MGAT4C: variants seen among roughly 807,000 people sequenced by gnomAD.
MGAT4C encodes the protein alpha-1,3-mannosyl-glycoprotein 4-beta-N-acetylglucosaminyltransferase C.
In MGAT4C, 19 loss-of-function variants were observed where a neutral mutation model predicts 40.1. The ratio of observed to expected loss-of-function variants is 0.47; its 90% CI spans 0.33 to 0.70. MGAT4C has a LOEUF of 0.70. Ranked by LOEUF, MGAT4C falls within the 30% of genes least tolerant of loss-of-function variation. The pLI is 0.02. For synonymous variants in MGAT4C, 181 were observed against 187.1 expected (o/e 0.97, Z 0.27); for missense variants, 491 against 563.2 (o/e 0.87, Z 1.30).
intron 1 of MGAT4C, among the ~76,000 whole-genome samples, chr12:86,206,810 T>C (rs933172033): frequency 6.6e-6 from 1 of 152,208 alleles, no homozygotes; most frequent in Non-Finnish European, 1.5e-5. Context: ...CCCATATTCA[T>C]ACTCAGCCTC....
chr12:86,501,764 T>G (rs972682253), intron 2 of MGAT4C, among the ~76,000 whole-genome samples: 1 of 152,096 alleles, frequency 6.6e-6, no homozygotes, highest in Admixed American at 6.6e-5. Context: ...TTTGGGTTGA[T>G]TCCATGTCTT....
chr12:86,591,686 T>C (rs969093143), intron 2 of MGAT4C, among the ~76,000 whole-genome samples: 6 of 151,692 alleles, frequency 4.0e-5, no homozygotes, highest in African/African-American at 7.2e-5. Flanking sequence ...TTTAGTTCAA[T>C]ACATTTTAAG....
chr12:86,086,579 G>A (rs978458552), intron 1 of MGAT4C, among the ~76,000 whole-genome samples: 2 of 151,870 alleles, frequency 1.3e-5, no homozygotes, highest in African/African-American at 4.8e-5. Flanking sequence ...TATTTATGGG[G>A]TATATGTGAC....
At chr12:86,007,969 G>A (rs10863141) in intron 2 of MGAT4C, among the ~76,000 whole-genome samples, 38,761 of 151,786 alleles carry the variant, frequency 0.26, 5,637 homozygotes, top group Non-Finnish European at 0.33. Flanking sequence ...TTGAAAATCA[G>A]TTGGATATAT....
At chr12:86,221,503 C>G (rs1331581822) in intron 1 of MGAT4C, among the ~76,000 whole-genome samples, 1 of 152,144 alleles carries the variant, frequency 6.6e-6, no homozygotes, top group Non-Finnish European at 1.5e-5. Context: ...AACTGAGAGG[C>G]TGACCAAAAG....
intron 2 of MGAT4C, among the ~76,000 whole-genome samples, chr12:86,579,889 T>C (rs999440381): frequency 2.0e-5 from 3 of 151,546 alleles, no homozygotes; most frequent in Non-Finnish European, 3.0e-5. Context: ...GCCTCTAAGG[T>C]TTCCACTGAA....
At chr12:86,253,663 A>G (rs1344002067) in intron 1 of MGAT4C, among the ~76,000 whole-genome samples, 2 of 152,012 alleles carry the variant, frequency 1.3e-5, no homozygotes, top group African/African-American at 4.8e-5. Context: ...AATAAGTCCA[A>G]GCTGTCCAAA....
At chr12:86,238,962 A>G (rs988061230) in intron 1 of MGAT4C, among the ~76,000 whole-genome samples, 4 of 152,100 alleles carry the variant, frequency 2.6e-5, no homozygotes, top group Non-Finnish European at 4.4e-5. Flanking sequence ...CCATATGAAA[A>G]TCTAAGACTC....
At chr12:85,997,914 G>A (rs1886808772) in intron 2 of MGAT4C, among the ~76,000 whole-genome samples, 1 of 152,188 alleles carries the variant, frequency 6.6e-6, no homozygotes, top group Non-Finnish European at 1.5e-5. Context: ...ACTACATAGT[G>A]CTCCAGTAGG....
chr12:86,039,834 A>T (rs753249118), intron 2 of MGAT4C, among the ~76,000 whole-genome samples: 1 of 152,054 alleles, frequency 6.6e-6, no homozygotes, highest in Non-Finnish European at 1.5e-5. Flanking sequence ...GCCTTTTTGC[A>T]TTGGTTTTTC....
chr12:86,012,357 C>T (rs1888542829), intron 2 of MGAT4C, among the ~76,000 whole-genome samples: 1 of 152,198 alleles, frequency 6.6e-6, no homozygotes, highest in Non-Finnish European at 1.5e-5. Context: ...ATCCTTACTT[C>T]TCTGTACCAA....
chr12:86,066,165 C>T (rs1035775208), intron 1 of MGAT4C, among the ~76,000 whole-genome samples: 2 of 152,108 alleles, frequency 1.3e-5, no homozygotes, highest in Admixed American at 6.5e-5. Context: ...ATGCTATCCC[C>T]ATCAAGGTAC....
At chr12:86,825,641 A>G (rs570266725) in intron 1 of MGAT4C, among the ~76,000 whole-genome samples, 2 of 151,594 alleles carry the variant, frequency 1.3e-5, no homozygotes, top group African/African-American at 4.8e-5. Flanking sequence ...AATGAAGAAT[A>G]TTTAATTTTA....
chr12:86,810,307 A>G (rs1386554246), intron 1 of MGAT4C, among the ~76,000 whole-genome samples: 1 of 151,634 alleles, frequency 6.6e-6, no homozygotes, highest in African/African-American at 2.4e-5. Flanking sequence ...TGTCTTTTTT[A>G]TTTTTCAATC....
chr12:86,517,616 T>TTTTA (rs558206459), intron 2 of MGAT4C, among the ~76,000 whole-genome samples: 19 of 151,888 alleles, frequency 1.3e-4, no homozygotes, highest in South Asian at 6.2e-4. Flanking sequence ...CAAAGTGACT[T>TTTTA]TTTATTTATT....
chr12:86,011,839 T>C (rs1888490883), intron 2 of MGAT4C: 15 of 985,184 alleles, frequency 1.5e-5, no homozygotes, highest in Non-Finnish European at 1.8e-5. Context: ...AAAACTTTGG[T>C]CTCAAATTTG....
intron 3 of MGAT4C, among the ~76,000 whole-genome samples, chr12:86,347,526 AG>A (rs1469841580): frequency 6.6e-6 from 1 of 152,226 alleles, no homozygotes; most frequent in African/African-American, 2.4e-5. Context: ...CGTTTGTCTC[AG>A]TTCCAAGAGT....
chr12:86,612,024 G>T (rs12366427), intron 2 of MGAT4C, among the ~76,000 whole-genome samples: 1,937 of 152,172 alleles, frequency 0.013, 23 homozygotes, highest in Admixed American at 0.025. Context: ...CAACTTGGAG[G>T]ATCTCTAAGT....
chr12:86,220,911 C>T (rs903574067), intron 1 of MGAT4C, among the ~76,000 whole-genome samples: 2 of 152,060 alleles, frequency 1.3e-5, no homozygotes, highest in East Asian at 1.9e-4. Flanking sequence ...ATTAGAAATC[C>T]GTCTCAAATA....
Sources: allele counts gnomAD v4.1 joint callset (sites outside exome capture counted in the v4.1 genomes callset), GRCh38; gene constraint gnomAD v4.1.1; transcripts MANE v1.5; gene names NCBI Gene and HGNC (gene_info 2026-07-23, HGNC 2026-07-21).